FDXACB1: variants seen among roughly 807,000 people sequenced by gnomAD.
FDXACB1 encodes the protein ferredoxin-fold anticodon-binding domain-containing protein 1.
FDXACB1 carries 41 observed loss-of-function variants against 51.7 expected under a neutral mutation model. The ratio of observed to expected loss-of-function variants is 0.79; its 90% CI spans 0.62 to 1.03. The LOEUF is 1.03. Among genes scored for constraint, FDXACB1 ranks in the 50% least tolerant of loss-of-function variants. The pLI is 0.00. For missense variants in FDXACB1, 697 were observed against 746.4 expected (o/e 0.93, Z 0.77); for synonymous variants, 273 against 278.6 (o/e 0.98, Z 0.20).
chr11:111,877,037 CTAAT>C (rs1555162295), intron 2 of FDXACB1, 26 bp from the exon 3 acceptor site: 9 of 1,551,092 alleles, frequency 5.8e-6, no homozygotes, highest in East Asian at 2.4e-5. Flanking sequence ...GAAACACTAA[CTAAT>C]TATCATAAAC....
Position 111,875,224 on chromosome 11 carries a change from G to C in FDXACB1, c.1573C>G (p.Pro525Ala). The C allele has an allele frequency of 1.9e-6, 3 of 1,613,828 alleles. No homozygotes were observed. The highest frequency in any genetic ancestry group is 2.5e-6 in the Non-Finnish European group (3 of 1,179,880). The change falls in exon 5 of 5, where the codon CCC becomes GCC. Residue 525 changes from proline to alanine, a missense_variant. Around this residue, in one of 3 missense-constraint regions of FDXACB1, gnomAD observed 538 missense variants for 592.2 expected, o/e 0.91. Transcript: ENST00000260257. ...LKNFVPGKIE[P>A]FKSHSLYPPC... ...GGATACAGAGAATGACTTTTAAAGG[G>C]TTCTATTTTGCCAGGGACAAAATTT...
At chr11:111,877,980 G>A (rs970512530) in intron 2 of FDXACB1, among the ~76,000 whole-genome samples, 2 of 151,944 alleles carry the variant, frequency 1.3e-5, no homozygotes, top group African/African-American at 4.8e-5. Context: ...AAGGTCAGGA[G>A]ATCGACACCA....
rs370171096 is a variant in FDXACB1 at position 111,876,974 on chromosome 11, C to A, written c.367G>T (p.Val123Leu). The A allele has an allele frequency of 3.8e-6, 6 of 1,599,712 alleles. No homozygotes were observed. The highest frequency in any genetic ancestry group is 5.1e-6 in the Non-Finnish European group (6 of 1,172,482). Residue 123 changes from valine to leucine, a missense_variant, in exon 3 of 5, where the codon GTG becomes TTG. Around this residue, in one of 3 missense-constraint regions of FDXACB1, gnomAD observed 538 missense variants for 592.2 expected, o/e 0.91. Transcript: ENST00000260257. ...CCACCTTGTCCTCTACATAATGCCA[C>A]GTGGACTTCTCCTTCCTCTGCAAGA... Reference protein sequence around the residue: ...DVLAEEGEVHVALCRGQGGTP... With the variant: ...DVLAEEGEVHLALCRGQGGTP...
Position 111,876,878 on chromosome 11 carries a change from C to A in FDXACB1, c.463G>T (p.Gly155Trp), listed in dbSNP as rs554893289. The A allele has an allele frequency of 1.2e-6, 2 of 1,613,714 alleles. No individual in the cohort carries two copies. The highest frequency in any genetic ancestry group is 1.7e-6 in the Non-Finnish European group (2 of 1,179,764). ...WQVVAMAALG[G>W]LILSDVYPFS... ...GGATACACGTCGCTTAAAATGAGCC[C>A]CCCCAGGGCTGCCATGGCAACCACT... The change falls in exon 3 of 5, where the codon GGG becomes TGG. Residue 155 changes from glycine (G) to tryptophan (W), a missense_variant. Transcript: ENST00000260257.
intron 1 of FDXACB1, 45 bp from the exon 2 acceptor site, chr11:111,878,757 C>T: frequency 1.3e-6 from 2 of 1,581,492 alleles, no homozygotes; most frequent in Non-Finnish European, 1.7e-6. Flanking sequence ...CAGGAGGATG[C>T]CTCAAGACAT....
In FDXACB1 at chr11:111,876,979, A is replaced by G; in HGVS notation, c.362T>C (p.Val121Ala). Residue 121 changes from valine (V) to alanine (A), a missense_variant, in exon 3 of 5, where the codon GTC becomes GCC. Around this residue, in one of 3 missense-constraint regions of FDXACB1, gnomAD observed 538 missense variants for 592.2 expected, o/e 0.91. Transcript: ENST00000260257. ...CADVLAEEGE[V>A]HVALCRGQGG... The stretch of plus-strand genomic sequence containing the variant: ...TTGTCCTCTACATAATGCCACGTGG[A>G]CTTCTCCTTCCTCTGCAAGAACGTC... 25 of 1,597,244 alleles carry G rather than the reference A, an allele frequency of 1.6e-5. No homozygotes were observed. Among genetic ancestry groups the G allele is most frequent in the Non-Finnish European group, 2.1e-5 (25 of 1,171,180 alleles).
At chr11:111,878,488 G>C in intron 2 of FDXACB1, 68 bp downstream of exon 2, 1 of 1,476,272 alleles carries the variant, frequency 6.8e-7, no homozygotes. Context: ...TGTGCCTTAT[G>C]TTTGGGTACA....
chr11:111,875,464 C>T lies in FDXACB1; in HGVS notation c.1333G>A (p.Gly445Arg), dbSNP rs1555161947. Residue 445 changes from glycine to arginine, a missense_variant, in exon 5 of 5, where the codon GGA (glycine) becomes AGA (arginine). By Grantham distance (125) the Gly-to-Arg change is moderately radical. This residue lies in a region of FDXACB1 where 538 missense variants were observed against 592.2 expected (regional missense o/e 0.91). Coordinates refer to ENST00000260257, the MANE Select transcript of FDXACB1 (RefSeq NM_138378.3). ...SLVKFVLQSN[G>R]KDYMIRVKTH... ...TTCACACGAATCATATAATCCTTTC[C>T]ATTTGACTGAAGGACAAATTTGACT... 6.2e-7 allele frequency: 1 copy of T among 1,612,898 alleles called. No individual in the cohort carries two copies. The highest frequency in any genetic ancestry group is 8.5e-7 in the Non-Finnish European group (1 of 1,179,750).
In FDXACB1 at chr11:111,874,910, GGA is replaced by G. The variant is rs1566365442; in HGVS notation, c.*10_*11del. 6.2e-7 allele frequency: 1 copy of G among 1,609,032 alleles called. No homozygotes were observed. Among genetic ancestry groups the G allele is most frequent in the African/African-American group, 1.3e-5 (1 of 74,946 alleles). On this transcript the variant is annotated 3_prime_UTR_variant, in exon 5 of 5. Transcript: ENST00000260257. ...CAATGAAGGATCACACTGCAGAAAA[GGA>G]TTTACCAAACTACCGAGGTATAACA...
rs782221064 is a variant in FDXACB1 at position 111,876,007 on chromosome 11, ACTTCAGC to A, written c.783_789del (p.Arg261SerfsTer41). On this transcript the variant is annotated frameshift_variant, in exon 5 of 5. Transcript: ENST00000260257. LOFTEE classifies it high-confidence loss of function. ...TCCTGTGGCAGCAAAGGGTAGGAAC[ACTTCAGC>A]CTTTTTAGCGGGAAAACTTTGCCTA... 6.2e-7 allele frequency: 1 copy of A among 1,613,838 alleles called. No homozygotes were observed. The highest frequency in any genetic ancestry group is 1.1e-5 in the South Asian group (1 of 91,086).
chr11:111,877,978 G>A (rs1206625880), intron 2 of FDXACB1, among the ~76,000 whole-genome samples: 1 of 151,918 alleles, frequency 6.6e-6, no homozygotes, highest in African/African-American at 2.4e-5. Flanking sequence ...ACAAGGTCAG[G>A]AGATCGACAC....
rs1555161906 is a variant in FDXACB1 at position 111,875,256 on chromosome 11, A to G, written c.1541T>C (p.Phe514Ser). The part of the protein sequence containing the change: ...WRMLWTFDNR[F>S]LKNFVPGKIE... ...TTTGCCAGGGACAAAATTTTTCAGG[A>G]AACGGTTATCAAACGTCCACAACAT... Residue 514 changes from phenylalanine to serine, a missense_variant, in exon 5 of 5, where the codon TTC becomes TCC. By Grantham distance (155) the Phe-to-Ser change is radical. Around this residue, in one of 3 missense-constraint regions of FDXACB1, gnomAD observed 538 missense variants for 592.2 expected, o/e 0.91. Coordinates refer to ENST00000260257, the MANE Select transcript of FDXACB1 (RefSeq NM_138378.3). 6.2e-7 allele frequency: 1 copy of G among 1,613,816 alleles called. No individual in the cohort carries two copies. The highest frequency in any genetic ancestry group is 1.3e-5 in the African/African-American group (1 of 74,918).
intron 2 of FDXACB1, among the ~76,000 whole-genome samples, chr11:111,877,222 T>A (rs1368390926): frequency 7.2e-5 from 11 of 152,238 alleles, no homozygotes; most frequent in Admixed American, 6.5e-4. Flanking sequence ...ACTGATAAGA[T>A]TGGCTGACCA....
In FDXACB1 at chr11:111,878,681, G is replaced by A. The variant is rs569537506; in HGVS notation, c.204C>T (p.Thr68=). 1 of 1,611,914 alleles carries A rather than the reference G, an allele frequency of 6.2e-7. No homozygotes were observed. The highest frequency in any genetic ancestry group is 8.5e-7 in the Non-Finnish European group (1 of 1,179,138). The change falls in exon 2 of 5, where the codon ACC becomes ACT. Residue 68 remains threonine, a synonymous_variant. Transcript: ENST00000260257. The part of the protein sequence containing the change: ...GIDVRFGVDC[T]QLADVFELHE... Reference sequence around the variant, plus strand: ...GCAGTTCAAAGACATCTGCCAGCTGGGTGCAGTCCACACCGAAACGTACAT... The same window carrying A: ...GCAGTTCAAAGACATCTGCCAGCTGAGTGCAGTCCACACCGAAACGTACAT...
intron 1 of FDXACB1, 24 bp from the exon 2 acceptor site, chr11:111,878,736 C>CA (rs781982365): frequency 8.7e-6 from 14 of 1,601,300 alleles, no homozygotes; most frequent in African/African-American, 1.3e-5. Context: ...TTTGGGGGCG[C>CA]AAAATATAGA....
In FDXACB1 at chr11:111,875,858, G is replaced by A. The variant is rs1281848432; in HGVS notation, c.939C>T (p.Asp313=). ...TAAGTTCTGAAAATGACACTAGAAA[G>A]TCTTCCACATCTTGTGATGTCCCAC... ...LTGGTSQDVE[D]FLVSFSELSL... The change falls in exon 5 of 5, where the codon GAC becomes GAT. Residue 313 remains aspartate, a synonymous_variant. Transcript: ENST00000260257. 1.2e-6 allele frequency: 2 copies of A among 1,613,646 alleles called. No homozygotes were observed. Among genetic ancestry groups the A allele is most frequent in the Admixed American group, 1.7e-5 (1 of 59,988 alleles).
Position 111,875,204 on chromosome 11 carries a change from C to G in FDXACB1, c.1593G>C (p.Leu531=). ...CATCATGCACATAACATGGAGGATA[C>G]AGAGAATGACTTTTAAAGGGTTCTA... ...GKIEPFKSHS[L]YPPCYVHDVS... Residue 531 remains leucine, a synonymous_variant, in exon 5 of 5, where the codon CTG becomes CTC. Transcript: ENST00000260257. The G allele has an allele frequency of 6.2e-7, 1 of 1,613,846 alleles. No homozygotes were observed. Among genetic ancestry groups the G allele is most frequent in the Non-Finnish European group, 8.5e-7 (1 of 1,179,896 alleles).
At chr11:111,876,356 G>T in intron 4 of FDXACB1, 125 bp downstream of exon 4, 1 of 1,226,662 alleles carries the variant, frequency 8.2e-7, no homozygotes, top group Non-Finnish European at 1.1e-6. Flanking sequence ...AGGCCAGGCT[G>T]ACAAATAAAC....
chr11:111,874,646 T>G lies in FDXACB1; in HGVS notation c.*276A>C, dbSNP rs1006353045. Reference sequence around the variant, plus strand: ...GGCAGGTGCCTGTAGTCCCAGCTACTCGGGAGGCTGAGGCAGGAGAATGGC... The same window carrying G: ...GGCAGGTGCCTGTAGTCCCAGCTACGCGGGAGGCTGAGGCAGGAGAATGGC... On this transcript the variant is annotated 3_prime_UTR_variant, in exon 5 of 5. Transcript: ENST00000260257. 25 of 309,944 alleles carry G rather than the reference T, an allele frequency of 8.1e-5. No individual in the cohort carries two copies. Among genetic ancestry groups the G allele is most frequent in the Admixed American group, 6.6e-4 (14 of 21,314 alleles). 19.2% of individuals were successfully genotyped at this position (309,944 alleles called of 1,614,324 possible). A position where few individuals can be genotyped will look rare whatever the true frequency, so the allele number is the denominator to read the frequency against.
Sources: allele counts gnomAD v4.1 joint callset (sites outside exome capture counted in the v4.1 genomes callset), GRCh38; gene constraint gnomAD v4.1.1; regional missense constraint gnomAD v4.1.1; transcripts MANE v1.5; gene names NCBI Gene and HGNC (gene_info 2026-07-23, HGNC 2026-07-21).